The following PCDH15 variants were observed in gnomAD, a reference collection of about 807,000 sequenced individuals.
The protein encoded by PCDH15 is protocadherin-15.
A neutral mutation model predicts 178.5 loss-of-function variants in PCDH15; 129 were observed. That is an observed-to-expected ratio of 0.72 (90% CI 0.63 to 0.84). PCDH15 has a LOEUF of 0.84. Ranked by LOEUF, PCDH15 falls within the 40% of genes least tolerant of loss-of-function variation. The probability of loss-of-function intolerance (pLI) is 0.00; values close to 1 mark genes in which losing one functional copy is unlikely to be tolerated. For synonymous variants in PCDH15, 800 were observed against 732.0 expected (o/e 1.09, Z -1.50); for missense variants, 2,230 against 2,099.9 (o/e 1.06, Z -1.21).
At chr10:54,226,592 A>C (rs1203995229) in intron 9 of PCDH15, among the ~76,000 whole-genome samples, 1 of 152,040 alleles carries the variant, frequency 6.6e-6, no homozygotes, top group Non-Finnish European at 1.5e-5. Flanking sequence ...ACCTCTCCCA[A>C]ATCTCACATC....
chr10:54,322,465 TAAAC>T (rs1466779485), intron 7 of PCDH15, among the ~76,000 whole-genome samples: 1 of 151,976 alleles, frequency 6.6e-6, no homozygotes, highest in Non-Finnish European at 1.5e-5. Context: ...TTTAAAAAGT[TAAAC>T]AAGTTCAACC....
At chr10:54,190,371 T>C (rs2048879952) in intron 11 of PCDH15, among the ~76,000 whole-genome samples, 1 of 152,184 alleles carries the variant, frequency 6.6e-6, no homozygotes, top group Admixed American at 6.5e-5. Flanking sequence ...ATAATGATGA[T>C]TGTCACTAAT....
chr10:54,645,317 C>G (rs941534844), intron 2 of PCDH15, among the ~76,000 whole-genome samples: 1 of 149,538 alleles, frequency 6.7e-6, no homozygotes, highest in Non-Finnish European at 1.5e-5. Context: ...CTGAGAGAGA[C>G]AGAGAGAGAG....
At chr10:55,397,740 C>T (rs1837964415) in intron 2 of PCDH15, among the ~76,000 whole-genome samples, 1 of 152,078 alleles carries the variant, frequency 6.6e-6, no homozygotes, top group Admixed American at 6.6e-5. Context: ...CGTGTGCCAC[C>T]ACGCCTGGCT....
At chr10:55,331,108 G>A (rs1844188108) in intron 2 of PCDH15, among the ~76,000 whole-genome samples, 1 of 151,712 alleles carries the variant, frequency 6.6e-6, no homozygotes, top group African/African-American at 2.4e-5. Flanking sequence ...TGGTAACAAG[G>A]CTTTTCTCCT....
chr10:54,040,736 G>A (rs2093523853), intron 18 of PCDH15, among the ~76,000 whole-genome samples: 1 of 151,880 alleles, frequency 6.6e-6, no homozygotes, highest in African/African-American at 2.4e-5. Flanking sequence ...TCAGAGACAT[G>A]ATGAAAAAAC....
chr10:54,752,825 A>G (rs936895791), intron 1 of PCDH15, among the ~76,000 whole-genome samples: 2 of 152,076 alleles, frequency 1.3e-5, no homozygotes, highest in Admixed American at 1.3e-4. Flanking sequence ...AATGGCATAC[A>G]TGGAGCCACA....
intron 3 of PCDH15, among the ~76,000 whole-genome samples, chr10:54,823,301 G>T (rs546634635): frequency 6.6e-6 from 1 of 152,094 alleles, no homozygotes; most frequent in African/African-American, 2.4e-5. Flanking sequence ...ACATGGCACT[G>T]CATGGCAGTA....
chr10:55,546,919 C>T (rs1352345056), intron 2 of PCDH15, among the ~76,000 whole-genome samples: 1 of 151,732 alleles, frequency 6.6e-6, no homozygotes, highest in Non-Finnish European at 1.5e-5. Flanking sequence ...GCTTTCAGTC[C>T]ATGAGGCAGG....
At chr10:55,212,635 G>A (rs897207794) in intron 1 of PCDH15, among the ~76,000 whole-genome samples, 8 of 152,052 alleles carry the variant, frequency 5.3e-5, no homozygotes, top group Non-Finnish European at 1.0e-4. Flanking sequence ...GACAGTCAGG[G>A]ATGTTCCTGC....
At chr10:54,541,798 G>A (rs2085261522) in intron 2 of PCDH15, among the ~76,000 whole-genome samples, 1 of 152,110 alleles carries the variant, frequency 6.6e-6, no homozygotes, top group African/African-American at 2.4e-5. Flanking sequence ...AGGAGGCTCA[G>A]AGGAAATTCT....
At chr10:54,001,613 G>C (rs1456395983) in intron 20 of PCDH15, among the ~76,000 whole-genome samples, 1 of 151,808 alleles carries the variant, frequency 6.6e-6, no homozygotes, top group Admixed American at 6.6e-5. Context: ...AAGCACCAGA[G>C]TATACTACCT....
rs1465817010 is a variant in PCDH15 at position 54,213,923 on chromosome 10, T to A, written c.1098+13A>T. ...TCATAAACACAAGGAAATAAGATATTAGCTTAATTTACCTTAATAACCAAA... is the reference window on the plus strand; with the variant it reads ...TCATAAACACAAGGAAATAAGATATAAGCTTAATTTACCTTAATAACCAAA... On this transcript the variant is annotated intron_variant, in intron 10 of 37. Transcript: ENST00000644397. The A allele has an allele frequency of 1.8e-5, 27 of 1,472,378 alleles. No homozygotes were observed. Among genetic ancestry groups the A allele is most frequent in the Non-Finnish European group, 2.6e-5 (27 of 1,052,222 alleles). The allele number at this position is 1,472,378 out of a possible 1,614,324, so 91.2% of individuals were successfully genotyped here. A position where few individuals can be genotyped will look rare whatever the true frequency, so the allele number is the denominator to read the frequency against.
chr10:55,048,938 A>G (rs1196678849), intron 2 of PCDH15, among the ~76,000 whole-genome samples: 1 of 151,856 alleles, frequency 6.6e-6, no homozygotes, highest in African/African-American at 2.4e-5. Flanking sequence ...CTGTCTTGTT[A>G]TTCAATAGCT....
At chr10:54,206,064 G>T (rs1275652975) in intron 10 of PCDH15, among the ~76,000 whole-genome samples, 1 of 151,926 alleles carries the variant, frequency 6.6e-6, no homozygotes, top group Non-Finnish European at 1.5e-5. Flanking sequence ...CACACCTAGG[G>T]AATATTTTTA....
In PCDH15 at chr10:55,473,584, G is replaced by A. The variant is rs1003509041; in HGVS notation, c.-156+154041C>T. ...AATTATCACAACTGAAACAAGTTGC[G>A]ACAGTATTCACATAGAACAGCTTTT... On this transcript the variant is annotated intron_variant, in intron 2 of 5. Coordinates refer to the PCDH15 transcript ENST00000613346. Among the ~76,000 whole-genome samples the A allele has an allele frequency of 3.9e-5, 6 of 152,164 alleles. No homozygotes were observed. In the East Asian group the frequency reaches 5.8e-4, roughly 15 times the overall value.
chr10:54,494,143 G>A (rs2079886269), intron 3 of PCDH15, among the ~76,000 whole-genome samples: 1 of 151,528 alleles, frequency 6.6e-6, no homozygotes, highest in Non-Finnish European at 1.5e-5. Context: ...GCTAAATGAC[G>A]AGTTAATGGG....
chr10:55,473,660 G>C (rs1840009478), intron 2 of PCDH15, among the ~76,000 whole-genome samples: 1 of 152,112 alleles, frequency 6.6e-6, no homozygotes, highest in Admixed American at 6.6e-5. Flanking sequence ...CCCTATTGGT[G>C]ATGGATCTAA....
chr10:55,407,713 A>C (rs1838231213), intron 2 of PCDH15, among the ~76,000 whole-genome samples: 1 of 152,284 alleles, frequency 6.6e-6, no homozygotes, highest in Admixed American at 6.5e-5. Flanking sequence ...CACATGCACA[A>C]ACACACACAA....
Sources: gnomAD v4.1 joint callset for allele counts (sites outside exome capture counted in the v4.1 genomes callset) on GRCh38, gnomAD v4.1.1 for gene constraint, MANE v1.5 for transcripts, NCBI Gene and HGNC (gene_info 2026-07-23, HGNC 2026-07-21) for gene names.